CILK1: variants seen among roughly 807,000 people sequenced by gnomAD.
The protein encoded by CILK1 is ciliogenesis associated kinase 1, also known as serine/threonine-protein kinase ICK.
Under a neutral mutation model 79.2 loss-of-function variants are expected in CILK1, and 47 were observed. That is an observed-to-expected ratio of 0.59 (90% CI 0.47 to 0.76). CILK1 has a LOEUF of 0.76. Among genes scored for constraint, CILK1 ranks in the 30% least tolerant of loss-of-function variants. The pLI, the probability that CILK1 is intolerant of heterozygous loss-of-function variation, is 0.00. For missense variants in CILK1, 660 were observed against 769.5 expected (o/e 0.86, Z 1.68); for synonymous variants, 266 against 275.9 (o/e 0.96, Z 0.36).
At chr6:53,031,421 A>G (rs1765953020) in intron 4 of CILK1, among the ~76,000 whole-genome samples, 2 of 152,330 alleles carry the variant, frequency 1.3e-5, no homozygotes, top group South Asian at 4.1e-4. Flanking sequence ...CTTCCAGATG[A>G]AGCCCTTATG....
At chr6:53,055,486 A>T (rs9474375) in intron 1 of CILK1, among the ~76,000 whole-genome samples, 7,493 of 152,310 alleles carry the variant, frequency 0.049, 461 homozygotes, top group African/African-American at 0.14. Flanking sequence ...GACCTTCTTT[A>T]CATGGATCTT....
intron 1 of CILK1, chr6:53,051,934 T>C (rs1199865429): frequency 6.6e-6 from 1 of 152,212 alleles, no homozygotes; most frequent in Non-Finnish European, 1.5e-5. Context: ...TTATCTCTTT[T>C]ATTTTACTTT....
chr6:53,019,370 A>C lies in CILK1; in HGVS notation c.359-11T>G. 1 of 1,613,978 alleles carries C rather than the reference A, an allele frequency of 6.2e-7. No individual in the cohort carries two copies. The highest frequency in any genetic ancestry group is 1.1e-5 in the South Asian group (1 of 91,070). ...CTCGATGAAAGAAGCCTATAGAGAC[A>C]GTAGAGGAGAAGAAATCCAAATGCA... On this transcript the variant is annotated splice_polypyrimidine_tract_variant and intron_variant, in intron 5 of 13. Transcript: ENST00000676107.
At chr6:53,015,632 C>T (rs939210446) in intron 8 of CILK1, among the ~76,000 whole-genome samples, 1 of 152,172 alleles carries the variant, frequency 6.6e-6, no homozygotes, top group Non-Finnish European at 1.5e-5. Context: ...CTATGAAATA[C>T]TAAGTGCAGT....
intron 9 of CILK1, among the ~76,000 whole-genome samples, chr6:53,012,436 G>T (rs1764630744): frequency 6.6e-6 from 1 of 152,086 alleles, no homozygotes; most frequent in Non-Finnish European, 1.5e-5. Context: ...ATCCATTGAT[G>T]ATGTTAAAGT....
At chr6:53,006,539 T>C (rs966779696) in intron 12 of CILK1, 102 bp from the exon 13 acceptor site, 2 of 1,318,402 alleles carry the variant, frequency 1.5e-6, no homozygotes, top group Non-Finnish European at 2.1e-6. Context: ...ACTAAGTTTT[T>C]ACTTTTAGGG....
intron 1 of CILK1, among the ~76,000 whole-genome samples, chr6:53,058,339 A>G (rs907467880): frequency 6.6e-6 from 1 of 152,016 alleles, no homozygotes; most frequent in Non-Finnish European, 1.5e-5. Flanking sequence ...GGCATCTCTG[A>G]TTTTCTTCCT....
intron 12 of CILK1, 70 bp downstream of exon 12, chr6:53,009,368 TC>T: frequency 6.7e-7 from 1 of 1,485,264 alleles, no homozygotes; most frequent in South Asian, 1.1e-5. Context: ...GTCCCATGAC[TC>T]CTTGTGCCCA....
At chr6:53,060,386 T>A (rs1768337460) in intron 1 of CILK1, among the ~76,000 whole-genome samples, 1 of 152,124 alleles carries the variant, frequency 6.6e-6, no homozygotes, top group Non-Finnish European at 1.5e-5. Context: ...TTGGTTTCAT[T>A]AGGAAATGTG....
At chr6:53,042,153 T>C (rs1031453761) in intron 1 of CILK1, among the ~76,000 whole-genome samples, 1 of 152,212 alleles carries the variant, frequency 6.6e-6, no homozygotes, top group African/African-American at 2.4e-5. Context: ...ACTTAGTGTA[T>C]TGACTATGTT....
At chr6:53,060,971 T>A (rs539070570) in intron 1 of CILK1, 1 of 152,352 alleles carries the variant, frequency 6.6e-6, no homozygotes, top group Non-Finnish European at 1.5e-5. Context: ...AAATTCAGTG[T>A]GGAATTCCCT....
At chr6:53,039,696 C>T (rs1029875594) in intron 2 of CILK1, among the ~76,000 whole-genome samples, 1 of 152,140 alleles carries the variant, frequency 6.6e-6, no homozygotes, top group Non-Finnish European at 1.5e-5. Context: ...CAGGTGGGAG[C>T]AAGGGATGTG....
In CILK1 at chr6:53,012,096, T is replaced by C; in HGVS notation, c.1284A>G (p.Pro428=). 6.2e-7 allele frequency: 1 copy of C among 1,614,234 alleles called. No homozygotes were observed. The highest frequency in any genetic ancestry group is 8.5e-7 in the Non-Finnish European group (1 of 1,180,038). Residue 428 remains proline, a synonymous_variant, in exon 10 of 14, where the codon CCA becomes CCG. Transcript: ENST00000676107. ...WADLDDLDFS[P]SLSRIDLKNK... ...TTTTCAGGTCAATCCTGCTGAGGGA[T>C]GGACTGAAATCCAAGTCATCCAAGT...
intron 12 of CILK1, among the ~76,000 whole-genome samples, chr6:53,006,892 T>A (rs1332428935): frequency 2.0e-5 from 3 of 152,226 alleles, no homozygotes; most frequent in Non-Finnish European, 2.9e-5. Flanking sequence ...ATTAAATTAT[T>A]TAGCTGTGAC....
intron 1 of CILK1, among the ~76,000 whole-genome samples, chr6:53,058,544 G>A (rs1768117975): frequency 6.6e-6 from 1 of 151,868 alleles, no homozygotes; most frequent in African/African-American, 2.4e-5. Flanking sequence ...AAGTCATCCG[G>A]CACACACACA....
chr6:53,042,118 GA>G (rs1338189176), intron 1 of CILK1, among the ~76,000 whole-genome samples: 1 of 152,180 alleles, frequency 6.6e-6, no homozygotes, highest in Admixed American at 6.5e-5. Context: ...AGTTTCCAAA[GA>G]ACCTATTGAT....
Position 53,018,629 on chromosome 6 carries a change from G to A in CILK1, c.492-128C>T. The A allele has an allele frequency of 7.5e-6, 7 of 933,108 alleles. No homozygotes were observed. In the South Asian group the frequency reaches 1.2e-4, roughly 16 times the overall value. The allele number at this position is 933,108 out of a possible 1,614,324, so 57.8% of individuals were successfully genotyped here. On this transcript the variant is annotated intron_variant, in intron 6 of 13. Transcript: ENST00000676107. ...CTCTCTAGTTCACTGTGGTGTAATGGAATTGTGAGAACTTGGCAACTGCCG... is the reference window on the plus strand; with the variant it reads ...CTCTCTAGTTCACTGTGGTGTAATGAAATTGTGAGAACTTGGCAACTGCCG...
At chr6:53,029,651 G>A (rs1441976712) in intron 5 of CILK1, among the ~76,000 whole-genome samples, 1 of 152,144 alleles carries the variant, frequency 6.6e-6, no homozygotes, top group Admixed American at 6.5e-5. Context: ...TAGCTACTCA[G>A]GAGGCTAAGG....
intron 5 of CILK1, among the ~76,000 whole-genome samples, chr6:53,023,914 A>G (rs931300470): frequency 1.3e-5 from 2 of 152,224 alleles, no homozygotes; most frequent in Non-Finnish European, 2.9e-5. Flanking sequence ...CCCAGTAAAT[A>G]CAGAAGGGGA....
Sources: allele counts gnomAD v4.1 joint callset (sites outside exome capture counted in the v4.1 genomes callset), GRCh38; gene constraint gnomAD v4.1.1; transcripts MANE v1.5; gene names NCBI Gene and HGNC (gene_info 2026-07-23, HGNC 2026-07-21).